Variants in ROBO1 observed in about 807,000 individuals in gnomAD.
ROBO1 encodes roundabout homolog 1.
Under a neutral mutation model 195.9 loss-of-function variants are expected in ROBO1, and 149 were observed. The ratio of observed to expected loss-of-function variants is 0.76; its 90% CI spans 0.67 to 0.87. The LOEUF is 0.87. ROBO1 is among the 40% of genes least tolerant of loss of function. The probability of loss-of-function intolerance (pLI) is 0.00; values close to 1 mark genes in which losing one functional copy is unlikely to be tolerated. For synonymous variants in ROBO1, 816 were observed against 733.2 expected (o/e 1.11, Z -1.82); for missense variants, 1,933 against 2,068.3 (o/e 0.93, Z 1.27).
chr3:79,656,502 TTTTA>T (rs1354662738), intron 1 of ROBO1, among the ~76,000 whole-genome samples: 16 of 152,120 alleles, frequency 1.1e-4, no homozygotes, highest in African/African-American at 2.9e-4. Context: ...AGACATTTTA[TTTTA>T]TTTATTTTTG....
intron 1 of ROBO1, among the ~76,000 whole-genome samples, chr3:79,755,114 A>G (rs1704319058): frequency 6.6e-6 from 1 of 152,090 alleles, no homozygotes; most frequent in African/African-American, 2.4e-5. Flanking sequence ...TCATGATCTC[A>G]GGTGATCCAT....
chr3:79,323,640 C>T (rs2034082814), intron 2 of ROBO1, among the ~76,000 whole-genome samples: 1 of 152,148 alleles, frequency 6.6e-6, no homozygotes, highest in South Asian at 2.1e-4. Context: ...TTATGCTACT[C>T]TTAATATAGA....
At chr3:79,541,539 T>C (rs1301272948) in intron 2 of ROBO1, among the ~76,000 whole-genome samples, 1 of 152,072 alleles carries the variant, frequency 6.6e-6, no homozygotes, top group Non-Finnish European at 1.5e-5. Flanking sequence ...GTTGCATATA[T>C]GCATATAAAA....
chr3:79,276,102 T>C (rs2031014270), intron 2 of ROBO1, among the ~76,000 whole-genome samples: 1 of 151,978 alleles, frequency 6.6e-6, no homozygotes, highest in South Asian at 2.1e-4. Flanking sequence ...ATGACATTCT[T>C]CACAGCATAT....
intron 3 of ROBO1, among the ~76,000 whole-genome samples, chr3:78,972,063 G>T: frequency 6.6e-6 from 1 of 152,162 alleles, no homozygotes; most frequent in South Asian, 2.1e-4. Context: ...GCCGCGCCCG[G>T]CCTTAAATCT....
intron 4 of ROBO1, among the ~76,000 whole-genome samples, chr3:78,922,348 T>C (rs2038982388): frequency 6.6e-6 from 1 of 152,134 alleles, no homozygotes. Context: ...GGTCTACCCT[T>C]ACCTACCAAT....
intron 1 of ROBO1, among the ~76,000 whole-genome samples, chr3:79,613,739 G>C (rs1944736576): frequency 6.6e-6 from 1 of 152,016 alleles, no homozygotes; most frequent in African/African-American, 2.4e-5. Flanking sequence ...CTTTGCCAAG[G>C]TAACTATCTT....
chr3:79,702,779 A>C (rs913977742), intron 1 of ROBO1, among the ~76,000 whole-genome samples: 2 of 151,974 alleles, frequency 1.3e-5, no homozygotes, highest in African/African-American at 4.8e-5. Context: ...CAGTGGTGTA[A>C]TAGCCAGTTA....
At chr3:79,628,333 G>A (rs1477309834) in intron 1 of ROBO1, among the ~76,000 whole-genome samples, 1 of 152,090 alleles carries the variant, frequency 6.6e-6, no homozygotes, top group Non-Finnish European at 1.5e-5. Flanking sequence ...GTTCTTTTCA[G>A]GGACATGGAT....
chr3:79,578,137 C>T (rs1217231717), intron 2 of ROBO1, among the ~76,000 whole-genome samples: 1 of 152,064 alleles, frequency 6.6e-6, no homozygotes. Flanking sequence ...AAATCCCAAA[C>T]ACTGACAACA....
intron 4 of ROBO1, among the ~76,000 whole-genome samples, chr3:78,870,852 TACTTA>T (rs1349496539): frequency 6.6e-6 from 1 of 152,200 alleles, no homozygotes; most frequent in Admixed American, 6.5e-5. Flanking sequence ...CCTGGCCCTC[TACTTA>T]ACTTAGCTAC....
At chr3:78,652,831 T>C (rs1424714168) in intron 18 of ROBO1, among the ~76,000 whole-genome samples, 1 of 152,164 alleles carries the variant, frequency 6.6e-6, no homozygotes, top group African/African-American at 2.4e-5. Context: ...ACTGAGTTTT[T>C]TTCAAGCCCA....
chr3:79,626,996 T>C (rs1945199783), intron 1 of ROBO1, among the ~76,000 whole-genome samples: 1 of 151,926 alleles, frequency 6.6e-6, no homozygotes, highest in Non-Finnish European at 1.5e-5. Context: ...CTCAAGGAAA[T>C]AAGGGATGAC....
At chr3:79,611,903 A>G (rs1560036985) in intron 1 of ROBO1, among the ~76,000 whole-genome samples, 2 of 152,148 alleles carry the variant, frequency 1.3e-5, no homozygotes, top group Non-Finnish European at 2.9e-5. Flanking sequence ...CAACAAAAAA[A>G]GAATAAAGTC....
chr3:78,665,354 G>A (rs1401814784), intron 14 of ROBO1, among the ~76,000 whole-genome samples: 1 of 152,162 alleles, frequency 6.6e-6, no homozygotes, highest in East Asian at 1.9e-4. Flanking sequence ...CACTCCGAAA[G>A]CCCTGACACA....
intron 3 of ROBO1, among the ~76,000 whole-genome samples, chr3:79,036,129 A>G (rs2078377752): frequency 6.6e-6 from 1 of 152,176 alleles, no homozygotes; most frequent in South Asian, 2.1e-4. Flanking sequence ...GAACTAGAAC[A>G]AGATATCAAA....
chr3:79,369,188 CAGAG>C (rs1287833212), intron 2 of ROBO1, among the ~76,000 whole-genome samples: 1 of 152,142 alleles, frequency 6.6e-6, no homozygotes, highest in Non-Finnish European at 1.5e-5. Flanking sequence ...AATTTTAAGA[CAGAG>C]AGAGCCACAA....
At chr3:79,037,659 G>C (rs1340355923) in intron 3 of ROBO1, among the ~76,000 whole-genome samples, 5 of 152,150 alleles carry the variant, frequency 3.3e-5, no homozygotes, top group African/African-American at 1.2e-4. Flanking sequence ...GTGTGAGGAA[G>C]TGTATTTGTA....
chr3:79,072,406 G>A (rs1378638), intron 3 of ROBO1, among the ~76,000 whole-genome samples: 145,308 of 151,882 alleles, frequency 0.96, 69,849 homozygotes, highest in East Asian at 1. Flanking sequence ...ACTTTGGGAG[G>A]GTGGATGTGA....
Sources: allele counts gnomAD v4.1 joint callset (sites outside exome capture counted in the v4.1 genomes callset), GRCh38; gene constraint gnomAD v4.1.1; transcripts MANE v1.5; gene names NCBI Gene and HGNC (gene_info 2026-07-23, HGNC 2026-07-21).